SDR42E2: variants seen among roughly 807,000 people sequenced by gnomAD.
SDR42E2 encodes putative short-chain dehydrogenase/reductase family 42E member 2.
Under a neutral mutation model 10.5 loss-of-function variants are expected in SDR42E2, and 20 were observed. The ratio of observed to expected loss-of-function variants is 1.90; its 90% CI spans 1.34 to 2.77. SDR42E2 has a LOEUF of 2.77. Among genes scored for constraint, SDR42E2 ranks in the 30% most tolerant of loss-of-function variants. SDR42E2 has a pLI of 0.00. For synonymous variants in SDR42E2, 72 were observed against 39.2 expected (o/e 1.84, Z -3.12); for missense variants, 162 against 104.2 (o/e 1.55, Z -2.42).
intron 12 of SDR42E2, among the ~76,000 whole-genome samples, chr16:22,188,245 C>T (rs908278590): frequency 6.6e-6 from 1 of 152,164 alleles, no homozygotes; most frequent in Non-Finnish European, 1.5e-5. Flanking sequence ...CCACACCATA[C>T]TGGAATTGGC....
chr16:22,178,237 C>T (rs2142072836), intron 8 of SDR42E2, 25 bp downstream of exon 8: 1 of 701,732 alleles, frequency 1.4e-6, no homozygotes, highest in East Asian at 2.7e-5. Context: ...CCTTCAGGAC[C>T]CAAGTCAGAG....
chr16:22,182,474 G>T (rs1045759232), intron 10 of SDR42E2, among the ~76,000 whole-genome samples, 197 bp downstream of exon 10: 2 of 151,936 alleles, frequency 1.3e-5, no homozygotes, highest in African/African-American at 2.4e-5. Context: ...AGCCTCCCGA[G>T]TAGCTGGGAT....
intron 12 of SDR42E2, among the ~76,000 whole-genome samples, 159 bp downstream of exon 12, chr16:22,186,953 G>A (rs559323327): frequency 6.7e-6 from 1 of 149,246 alleles, no homozygotes; most frequent in Non-Finnish European, 1.5e-5. Context: ...CCCAAAGCTG[G>A]TGCTAGCTCT....
intron 10 of SDR42E2, among the ~76,000 whole-genome samples, chr16:22,182,934 G>A (rs1338129719): frequency 6.6e-6 from 1 of 152,076 alleles, no homozygotes; most frequent in African/African-American, 2.4e-5. Context: ...GAGCCCAGGA[G>A]TTCAAGGCTG....
rs2046545873 is a variant in SDR42E2, at chr16:22,166,931, T to G, written c.268T>G (p.Tyr90Asp). The change falls in exon 4 of 13, where the codon TAC becomes GAC. Residue 90 changes from tyrosine to aspartate, a missense_variant. Tyr to Asp is a radical substitution (Grantham distance 160, BLOSUM62 -3). Coordinates refer to ENST00000602312, the MANE Select transcript of SDR42E2 (RefSeq NM_001394319.2). ...QADVRDEEAL[Y>D]RAFEGVDCVF... ...TGATGTCCGAGATGAAGAAGCCCTG[T>G]ACCGTGCCTTCGAAGGGGTGGACTG... is the stretch of plus-strand genomic sequence containing the variant. 1 of 700,624 alleles carries G rather than the reference T, an allele frequency of 1.4e-6. No homozygotes were observed. Among genetic ancestry groups the G allele is most frequent in the African/African-American group, 1.7e-5 (1 of 57,172 alleles). The allele number at this position is 700,624 out of a possible 1,614,324, so 43.4% of individuals were successfully genotyped here. A position where few individuals can be genotyped will look rare whatever the true frequency, so the allele number is the denominator to read the frequency against.
In SDR42E2 at chr16:22,181,611, C is replaced by A. The variant is rs371120902; in HGVS notation, c.765C>A (p.His255Gln). ...ACGTACACAATCTGGTGCAGGCACACGTGCTGGCGGCCGAGGCCCTCACCA... is the reference window on the plus strand; with the variant it reads ...ACGTACACAATCTGGTGCAGGCACAAGTGCTGGCGGCCGAGGCCCTCACCA... ...WVHVHNLVQA[H>Q]VLAAEALTTA... is the part of the protein sequence containing the mutation. Residue 255 changes from histidine to glutamine, a missense_variant, in exon 9 of 13, where the codon CAC (histidine) becomes CAA (glutamine). Physicochemically the swap from His to Gln is conservative, Grantham distance 24. Transcript: ENST00000602312. 1 of 703,032 alleles carries A rather than the reference C, an allele frequency of 1.4e-6. No individual in the cohort carries two copies. The highest frequency in any genetic ancestry group is 2.6e-6 in the Non-Finnish European group (1 of 385,008). 43.5% of individuals were successfully genotyped at this position (703,032 alleles called of 1,614,324 possible). A position where few individuals can be genotyped will look rare whatever the true frequency, so the allele number is the denominator to read the frequency against.
intron 1 of SDR42E2, among the ~76,000 whole-genome samples, chr16:22,162,897 C>T (rs1285542841): frequency 6.6e-6 from 1 of 152,122 alleles, no homozygotes; most frequent in Non-Finnish European, 1.5e-5. Flanking sequence ...AAGCCATGTC[C>T]AGGGTGGGTC....
intron 7 of SDR42E2, among the ~76,000 whole-genome samples, chr16:22,176,418 T>C (rs2046645374): frequency 1.3e-5 from 2 of 152,208 alleles, no homozygotes; most frequent in Admixed American, 6.5e-5. Flanking sequence ...ACTGTATGCA[T>C]GTAGGTAAAA....
At chr16:22,171,850 C>G (rs753973471) in intron 6 of SDR42E2, among the ~76,000 whole-genome samples, 8 of 152,118 alleles carry the variant, frequency 5.3e-5, no homozygotes, top group Non-Finnish European at 1.0e-4. Context: ...GTTTCTTCAA[C>G]CCAGTATGGT....
chr16:22,181,391 A>G, intron 8 of SDR42E2, 128 bp from the exon 9 acceptor site: 1 of 647,530 alleles, frequency 1.5e-6, no homozygotes, highest in Non-Finnish European at 2.8e-6. Context: ...TTCAGAGAGC[A>G]TTGGATACAT....
chr16:22,168,095 CA>C (rs1010130272), intron 4 of SDR42E2, among the ~76,000 whole-genome samples: 9 of 151,898 alleles, frequency 5.9e-5, no homozygotes, highest in African/African-American at 2.2e-4. Flanking sequence ...AAAACAGCCA[CA>C]ACAAGAATAA....
chr16:22,167,165 A>ATTTTTGTTTTTTT (rs1567237172), intron 4 of SDR42E2, among the ~76,000 whole-genome samples, 166 bp downstream of exon 4: 1 of 37,722 alleles, frequency 2.7e-5, no homozygotes, highest in Non-Finnish European at 4.3e-5. Context: ...CAGTTCTGCC[A>ATTTTTGTTTTTTT]TTTTTTTTTT....
At position 22,162,567 on chromosome 16, in the gene SDR42E2, G is replaced by A. The variant is rs904833131; in HGVS notation, c.-37+3G>A. Among the ~76,000 whole-genome samples the A allele has an allele frequency of 2.6e-5, 4 of 152,204 alleles. No homozygotes were observed. The highest frequency in any genetic ancestry group is 5.9e-5 in the Non-Finnish European group (4 of 68,022). ...AGCGCCGCGGGAGCCCGGGCCAGGT[G>A]AGCGAAGCCCGGACGCGGGCCAGGG... is the stretch of plus-strand genomic sequence containing the variant. On this transcript the variant is annotated splice_donor_region_variant and intron_variant, in intron 1 of 12. Transcript: ENST00000602312.
intron 12 of SDR42E2, among the ~76,000 whole-genome samples, chr16:22,189,628 T>C (rs921241162): frequency 1.3e-5 from 2 of 152,196 alleles, no homozygotes; most frequent in Non-Finnish European, 2.9e-5. Flanking sequence ...CATAATCGAA[T>C]TCCTCTCTTA....
chr16:22,186,135 G>C (rs2046734753), intron 11 of SDR42E2, among the ~76,000 whole-genome samples: 2 of 152,120 alleles, frequency 1.3e-5, no homozygotes, highest in African/African-American at 4.8e-5. Flanking sequence ...GAGCATTGGA[G>C]TAGAAGTGAG....
In SDR42E2 at chr16:22,190,417, A is replaced by C. The variant is rs2046765422; in HGVS notation, c.*24A>C. ...GACCGTCCGCCGTCCGCCGCCCGCT[A>C]GGGTCGGCCCCGCTGCACCCTCGCC... On this transcript the variant is annotated 3_prime_UTR_variant, in exon 13 of 13. Coordinates refer to ENST00000602312, the MANE Select transcript of SDR42E2 (RefSeq NM_001394319.2). 2.5e-6 allele frequency: 1 copy of C among 401,232 alleles called. No individual in the cohort carries two copies. Among genetic ancestry groups the C allele is most frequent in the Non-Finnish European group, 4.4e-6 (1 of 227,604 alleles). 24.9% of individuals were successfully genotyped at this position (401,232 alleles called of 1,614,324 possible).
intron 1 of SDR42E2, among the ~76,000 whole-genome samples, chr16:22,163,576 G>A (rs936729266): frequency 1.6e-4 from 25 of 152,008 alleles, no homozygotes; most frequent in South Asian, 4.1e-4. Flanking sequence ...GTGTGGTGGC[G>A]CGTGCCTGTA....
chr16:22,183,794 C>A (rs2046715254), intron 10 of SDR42E2, among the ~76,000 whole-genome samples: 1 of 151,980 alleles, frequency 6.6e-6, no homozygotes, highest in Non-Finnish European at 1.5e-5. Context: ...GTGAATGATC[C>A]CAAGTTAAAA....
intron 7 of SDR42E2, among the ~76,000 whole-genome samples, chr16:22,176,775 G>A (rs1278761020): frequency 6.6e-6 from 1 of 152,160 alleles, no homozygotes; most frequent in Non-Finnish European, 1.5e-5. Flanking sequence ...CAGCCCTTCA[G>A]ACTGTAACCC....
Sources: allele counts gnomAD v4.1 joint callset (sites outside exome capture counted in the v4.1 genomes callset), GRCh38; gene constraint gnomAD v4.1.1; transcripts MANE v1.5; gene names NCBI Gene and HGNC (gene_info 2026-07-23, HGNC 2026-07-21).